MALRD1: variants seen among roughly 807,000 people sequenced by gnomAD.
MALRD1 encodes the protein MAM and LDL receptor class A domain containing 1, also known as MAM and LDL-receptor class A domain-containing protein 1.
Under a neutral mutation model 242.1 loss-of-function variants are expected in MALRD1, and 247 were observed. The ratio of observed to expected loss-of-function variants is 1.02; its 90% CI spans 0.92 to 1.13. The LOEUF (loss-of-function observed/expected upper bound fraction) is 1.13. MALRD1 is among the 50% of genes most tolerant of loss of function. The probability of loss-of-function intolerance (pLI) is 0.00; values close to 1 mark genes in which losing one functional copy is unlikely to be tolerated. For synonymous variants in MALRD1, 995 were observed against 866.6 expected, an observed-to-expected ratio of 1.15 and a Z score of -2.60; for missense variants, 2,989 against 2,533.1, an observed-to-expected ratio of 1.18 and a Z score of -3.86.
At chr10:19,456,684 A>G (rs1268320440) in intron 29 of MALRD1, among the ~76,000 whole-genome samples, 2 of 152,208 alleles carry the variant, frequency 1.3e-5, no homozygotes, top group African/African-American at 2.4e-5. Flanking sequence ...GTCAGACAAG[A>G]AAAAGAAGAA....
At chr10:19,130,275 A>G (rs1390209371) in intron 8 of MALRD1, among the ~76,000 whole-genome samples, 1 of 152,146 alleles carries the variant, frequency 6.6e-6, no homozygotes, top group Non-Finnish European at 1.5e-5. Flanking sequence ...GTATCCACGT[A>G]TGTTCCACCA....
chr10:19,361,393 G>T (rs1189207833), intron 26 of MALRD1, among the ~76,000 whole-genome samples: 2 of 152,040 alleles, frequency 1.3e-5, no homozygotes, highest in Admixed American at 1.3e-4. Flanking sequence ...AAGGGGTCTG[G>T]TTCCCATCCC....
chr10:19,523,254 G>T (rs1833957689), intron 31 of MALRD1, among the ~76,000 whole-genome samples: 1 of 152,150 alleles, frequency 6.6e-6, no homozygotes, highest in Admixed American at 6.6e-5. Flanking sequence ...GACTTAACCA[G>T]TGGACAATCC....
chr10:19,304,978 G>A (rs1842102646), intron 21 of MALRD1, among the ~76,000 whole-genome samples: 1 of 151,630 alleles, frequency 6.6e-6, no homozygotes, highest in South Asian at 2.1e-4. Context: ...AAAAAGTATT[G>A]ACAAAGCATC....
At chr10:19,309,673 T>C (rs1842350738) in intron 21 of MALRD1, among the ~76,000 whole-genome samples, 1 of 151,546 alleles carries the variant, frequency 6.6e-6, no homozygotes, top group South Asian at 2.1e-4. Context: ...AAAAGTATTC[T>C]AAAAAGAGTT....
At chr10:19,056,606 A>G (rs1834676492) in intron 1 of MALRD1, among the ~76,000 whole-genome samples, 1 of 152,042 alleles carries the variant, frequency 6.6e-6, no homozygotes, top group Non-Finnish European at 1.5e-5. Flanking sequence ...GGGTTTCTAC[A>G]TATAAGATTA....
intron 9 of MALRD1, among the ~76,000 whole-genome samples, chr10:19,135,509 T>C (rs1313450845): frequency 1.3e-5 from 2 of 152,176 alleles, no homozygotes; most frequent in Non-Finnish European, 2.9e-5. Flanking sequence ...TGGATGAAAC[T>C]GAAGGAAGTC....
chr10:19,186,041 A>C (rs1355107184), intron 14 of MALRD1, among the ~76,000 whole-genome samples: 1 of 152,024 alleles, frequency 6.6e-6, no homozygotes, highest in Non-Finnish European at 1.5e-5. Context: ...TCTGTGTTCT[A>C]TCTTATGTTC....
chr10:19,605,827 C>T (rs1482048990), intron 34 of MALRD1, among the ~76,000 whole-genome samples: 1 of 151,930 alleles, frequency 6.6e-6, no homozygotes, highest in African/African-American at 2.4e-5. Flanking sequence ...TATTGTTGTT[C>T]TCTTGTCATC....
chr10:19,177,395 A>G (rs1835307691), intron 14 of MALRD1, among the ~76,000 whole-genome samples: 1 of 152,140 alleles, frequency 6.6e-6, no homozygotes, highest in Admixed American at 6.5e-5. Context: ...CGGAATCATA[A>G]TAGCTGAAAA....
chr10:19,569,741 C>CAT (rs1836431577), intron 33 of MALRD1, among the ~76,000 whole-genome samples: 1 of 144,588 alleles, frequency 6.9e-6, no homozygotes, highest in Non-Finnish European at 1.5e-5. Context: ...ACATGCAGTC[C>CAT]ATATATAGAA....
At chr10:19,605,580 C>G (rs1301292185) in intron 34 of MALRD1, among the ~76,000 whole-genome samples, 2 of 148,216 alleles carry the variant, frequency 1.3e-5, no homozygotes, top group Non-Finnish European at 3.0e-5. Flanking sequence ...CAATAGAAAA[C>G]TTATTGATTT....
chr10:19,154,627 A>T lies in MALRD1; in HGVS notation c.1559-448A>T, dbSNP rs74120754. On this transcript the variant is annotated intron_variant, in intron 11 of 39. Coordinates refer to ENST00000454679, the MANE Select transcript of MALRD1 (RefSeq NM_001142308.3). Reference sequence around the variant, plus strand: ...CTTTAATTAAGCTTTAATCCCCTCTAGCACAGACAACAATGTCAAACATGT... The same window carrying T: ...CTTTAATTAAGCTTTAATCCCCTCTTGCACAGACAACAATGTCAAACATGT... 8.7e-3 allele frequency among the ~76,000 whole-genome samples: 1,323 copies of T among 152,342 alleles called. 21 individuals are homozygous for T. The highest frequency in any genetic ancestry group is 0.03 in the African/African-American group (1,242 of 41,582).
rs181685679 is a variant in MALRD1, at chr10:19,586,953, A to C, written c.5681-8241A>C. Among the ~76,000 whole-genome samples the C allele has an allele frequency of 2.5e-3, 374 of 152,322 alleles. 1 individual carries two copies. Among genetic ancestry groups the C allele is most frequent in the Non-Finnish European group, 4.5e-3 (309 of 68,022 alleles). ...GTGCTCCGTTTTTTAGGCCCGTCGG[A>C]AAAGCGCAGTATTTGGGTGGGAGTG... is the stretch of plus-strand genomic sequence containing the variant. On this transcript the variant is annotated intron_variant, in intron 33 of 39. Transcript: ENST00000454679.
At chr10:19,555,267 G>A (rs1835667608) in intron 32 of MALRD1, among the ~76,000 whole-genome samples, 1 of 152,020 alleles carries the variant, frequency 6.6e-6, no homozygotes, top group Admixed American at 6.6e-5. Context: ...CTCCTACCAG[G>A]CTCACCTTTA....
intron 33 of MALRD1, among the ~76,000 whole-genome samples, chr10:19,590,896 T>A (rs1199221076): frequency 6.6e-6 from 1 of 152,200 alleles, no homozygotes; most frequent in East Asian, 1.9e-4. Flanking sequence ...TGGCACATTG[T>A]TGTCACCCAA....
intron 30 of MALRD1, among the ~76,000 whole-genome samples, chr10:19,491,856 A>G (rs1007277367): frequency 5.3e-5 from 8 of 151,942 alleles, no homozygotes; most frequent in African/African-American, 1.9e-4. Flanking sequence ...CCCCATACTG[A>G]GAACAGTAAC....
intron 31 of MALRD1, among the ~76,000 whole-genome samples, chr10:19,524,462 G>A (rs531463546): frequency 6.1e-4 from 91 of 149,372 alleles, no homozygotes; most frequent in Middle Eastern, 6.8e-3. Flanking sequence ...GGGAGACAGA[G>A]TAAGAAAAAA....
rs569805752 is a variant in MALRD1, at chr10:19,663,347, G to A, written c.6138-28935G>A. On this transcript the variant is annotated intron_variant, in intron 36 of 39. Coordinates refer to ENST00000454679, the MANE Select transcript of MALRD1 (RefSeq NM_001142308.3). The stretch of plus-strand genomic sequence containing the variant: ...CAGGTTCATCCATGTTGCTGCAAAA[G>A]ACATGATTTCATTTTTTCTTATGGA... Among the ~76,000 whole-genome samples, 14 of 152,176 alleles carry A rather than the reference G, an allele frequency of 9.2e-5. No individual in the cohort carries two copies. In the South Asian group the frequency reaches 2.5e-3, roughly 27 times the overall value.
Sources: gnomAD v4.1 joint callset for allele counts (sites outside exome capture counted in the v4.1 genomes callset) on GRCh38, gnomAD v4.1.1 for gene constraint, MANE v1.5 for transcripts, NCBI Gene and HGNC (gene_info 2026-07-23, HGNC 2026-07-21) for gene names.